Variants in SLC24A2 observed in about 807,000 individuals in gnomAD.
SLC24A2 encodes solute carrier family 24 member 2.
Under a neutral mutation model 62.0 loss-of-function variants are expected in SLC24A2, and 36 were observed. The observed-to-expected ratio is 0.58, with a 90% CI of 0.44 to 0.77. The LOEUF is 0.77. SLC24A2 is among the 30% of genes least tolerant of loss of function. The pLI is 0.00. For synonymous variants in SLC24A2, 358 were observed against 294.0 expected, an observed-to-expected ratio of 1.22 and a Z score of -2.23; for missense variants, 846 against 817.9, an observed-to-expected ratio of 1.03 and a Z score of -0.42.
chr9:19,968,252 G>A, the SLC24A2 span, among the ~76,000 whole-genome samples: 1 of 152,108 alleles, frequency 6.6e-6, no homozygotes, highest in African/African-American at 2.4e-5. Context: ...AGCCCACAGG[G>A]ACCCACATGG....
chr9:19,888,204 C>A, the SLC24A2 span, among the ~76,000 whole-genome samples: 66 of 152,240 alleles, frequency 4.3e-4, no homozygotes, highest in African/African-American at 1.5e-3. Flanking sequence ...AAACAACATG[C>A]CTCCATTATG....
At chr9:19,742,810 C>A (rs922256673) in intron 2 of SLC24A2, among the ~76,000 whole-genome samples, 2 of 152,152 alleles carry the variant, frequency 1.3e-5, no homozygotes, top group Non-Finnish European at 2.9e-5. Context: ...ATGTCTCTCA[C>A]AGGACATCTG....
At chr9:19,740,702 T>C (rs10964260) in intron 2 of SLC24A2, among the ~76,000 whole-genome samples, 22,270 of 152,194 alleles carry the variant, frequency 0.15, 1,709 homozygotes, top group Middle Eastern at 0.18. Context: ...TGAAATTATA[T>C]ATAACTCAAT....
chr9:20,114,211 G>A, the SLC24A2 span, among the ~76,000 whole-genome samples: 2 of 152,218 alleles, frequency 1.3e-5, no homozygotes, highest in East Asian at 1.9e-4. Context: ...TTTGTGTGAG[G>A]AAACTATCTG....
At chr9:19,849,717 C>CT in the SLC24A2 span, among the ~76,000 whole-genome samples, 1 of 151,942 alleles carries the variant, frequency 6.6e-6, no homozygotes, top group South Asian at 2.1e-4. Context: ...ATGTATCCAA[C>CT]TAAACGTCTC....
chr9:20,238,920 T>C, the SLC24A2 span, among the ~76,000 whole-genome samples: 1 of 152,194 alleles, frequency 6.6e-6, no homozygotes, highest in African/African-American at 2.4e-5. Context: ...TTCCTGTCTC[T>C]TCTTCCTCCC....
chr9:19,994,700 C>G, the SLC24A2 span, among the ~76,000 whole-genome samples: 6 of 152,264 alleles, frequency 3.9e-5, no homozygotes, highest in East Asian at 9.7e-4. Context: ...ATGTGAGGAT[C>G]GGACATGGGC....
At chr9:19,996,745 C>CAA in the SLC24A2 span, among the ~76,000 whole-genome samples, 678 of 66,368 alleles carry the variant, frequency 0.01, 13 homozygotes, top group African/African-American at 0.036. Context: ...GACTCCGTCT[C>CAA]AAAAAAAAAA....
chr9:19,811,832 C>G, the SLC24A2 span, among the ~76,000 whole-genome samples: 1 of 151,990 alleles, frequency 6.6e-6, no homozygotes, highest in South Asian at 2.1e-4. Context: ...GCTTTGTATA[C>G]TCAATATTTC....
At chr9:19,841,513 A>G in the SLC24A2 span, among the ~76,000 whole-genome samples, 3 of 152,294 alleles carry the variant, frequency 2.0e-5, no homozygotes, top group Admixed American at 1.3e-4. Flanking sequence ...GGGTTAGGGG[A>G]GGGCATAATG....
chr9:20,047,698 C>G, the SLC24A2 span, among the ~76,000 whole-genome samples: 1 of 148,970 alleles, frequency 6.7e-6, no homozygotes, highest in African/African-American at 2.5e-5. Flanking sequence ...GGAGCTAGCC[C>G]TCTGGGGTCT....
chr9:20,054,149 T>C, the SLC24A2 span, among the ~76,000 whole-genome samples: 2 of 152,084 alleles, frequency 1.3e-5, no homozygotes, highest in African/African-American at 4.8e-5. Flanking sequence ...TGGTGATTTC[T>C]AGTTTTCTTT....
chr9:19,712,477 G>T (rs529573580), intron 2 of SLC24A2, among the ~76,000 whole-genome samples: 4 of 152,150 alleles, frequency 2.6e-5, no homozygotes, highest in African/African-American at 9.7e-5. Flanking sequence ...ACATCTGCCA[G>T]CAAAGCCAGC....
chr9:19,984,870 G>A, the SLC24A2 span, among the ~76,000 whole-genome samples: 131 of 152,194 alleles, frequency 8.6e-4, 1 homozygote, highest in South Asian at 9.5e-3. Flanking sequence ...CACACCCTCC[G>A]AAATATTTAA....
At chr9:20,020,016 A>G in the SLC24A2 span, among the ~76,000 whole-genome samples, 1 of 152,208 alleles carries the variant, frequency 6.6e-6, no homozygotes, top group Admixed American at 6.5e-5. Context: ...CAAAACCACA[A>G]TGAGATACCA....
At chr9:19,846,551 A>T in the SLC24A2 span, among the ~76,000 whole-genome samples, 1 of 152,042 alleles carries the variant, frequency 6.6e-6, no homozygotes, top group Non-Finnish European at 1.5e-5. Flanking sequence ...CTAACTTGCC[A>T]CTCTGCCTTT....
upstream of SLC24A2, among the ~76,000 whole-genome samples, chr9:19,793,025 G>C (rs564009599): frequency 4.6e-5 from 7 of 152,284 alleles, no homozygotes; most frequent in East Asian, 1.2e-3. Context: ...TGAGCCCCGT[G>C]AGAACAAAGA....
chr9:19,923,635 T>C, the SLC24A2 span, among the ~76,000 whole-genome samples: 19 of 152,248 alleles, frequency 1.2e-4, no homozygotes, highest in Non-Finnish European at 2.6e-4. Context: ...AAGTTCACAT[T>C]GTTGAAGAAC....
chr9:20,274,299 G>T, the SLC24A2 span, among the ~76,000 whole-genome samples: 1 of 152,136 alleles, frequency 6.6e-6, no homozygotes, highest in Non-Finnish European at 1.5e-5. Flanking sequence ...TGATTGTGGA[G>T]GAGATCATGT....
Sources: gnomAD v4.1 joint callset for allele counts (sites outside exome capture counted in the v4.1 genomes callset) on GRCh38, gnomAD v4.1.1 for gene constraint, MANE v1.5 for transcripts, NCBI Gene and HGNC (gene_info 2026-07-23, HGNC 2026-07-21) for gene names.